The following ST8SIA2 variants were observed in gnomAD, a reference collection of about 807,000 sequenced individuals.
ST8SIA2 encodes alpha-2,8-sialyltransferase 8B.
In ST8SIA2, 22 loss-of-function variants were observed where a neutral mutation model predicts 37.6. That is an observed-to-expected ratio of 0.58 (90% CI 0.42 to 0.83). The LOEUF (loss-of-function observed/expected upper bound fraction) is 0.83, where lower values mean the gene tolerates loss of function less well. ST8SIA2 is among the 40% of genes least tolerant of loss of function. ST8SIA2 has a pLI of 0.00. For missense variants in ST8SIA2, 382 were observed against 484.7 expected (o/e 0.79, Z 1.99); for synonymous variants, 205 against 201.2 (o/e 1.02, Z -0.16).
chr15:92,428,112 C>T (rs1264520222), intron 1 of ST8SIA2, among the ~76,000 whole-genome samples: 1 of 152,160 alleles, frequency 6.6e-6, no homozygotes, highest in Non-Finnish European at 1.5e-5. Context: ...GATAAATATT[C>T]TTGTGTTAAT....
Position 92,449,151 on chromosome 15 carries a change from C to T in ST8SIA2, c.842+4222C>T, listed in dbSNP as rs556973488. On this transcript the variant is annotated intron_variant, in intron 5 of 5. Transcript: ENST00000268164. ...ACTTAGTACCCAACAGTTTTTCAAC[C>T]CTTTCCCCATTCCCTTCTTCTCCAG... Among the ~76,000 whole-genome samples the T allele has an allele frequency of 1.2e-4, 19 of 152,252 alleles. No individual in the cohort carries two copies. In the South Asian group the frequency reaches 2.9e-3, roughly 23 times the overall value.
At chr15:92,410,916 G>C (rs756273365) in intron 1 of ST8SIA2, among the ~76,000 whole-genome samples, 1 of 152,174 alleles carries the variant, frequency 6.6e-6, no homozygotes, top group African/African-American at 2.4e-5. Flanking sequence ...CCTAGATGGA[G>C]AGAATGGCCA....
At chr15:92,438,760 G>C in intron 4 of ST8SIA2, 150 bp downstream of exon 4, 2 of 1,180,906 alleles carry the variant, frequency 1.7e-6, no homozygotes, top group Non-Finnish European at 2.3e-6. Context: ...AGAATCACTT[G>C]GGGAGCTTCG....
intron 1 of ST8SIA2, among the ~76,000 whole-genome samples, chr15:92,404,557 C>A (rs1332699233): frequency 6.6e-6 from 1 of 151,518 alleles, no homozygotes; most frequent in Non-Finnish European, 1.5e-5. Flanking sequence ...TGTGGTGGCT[C>A]ACACCTGTAA....
intron 5 of ST8SIA2, among the ~76,000 whole-genome samples, chr15:92,455,586 C>T (rs1489341601): frequency 1.3e-5 from 2 of 152,138 alleles, no homozygotes; most frequent in Admixed American, 1.3e-4. Context: ...GGAAAGTATT[C>T]CCTATTGACA....
At chr15:92,395,661 G>A (rs1386771) in intron 1 of ST8SIA2, among the ~76,000 whole-genome samples, 1 of 152,218 alleles carries the variant, frequency 6.6e-6, no homozygotes, top group Non-Finnish European at 1.5e-5. Context: ...GCTCGCCTCA[G>A]AAACGTGGAT....
At chr15:92,396,048 C>T (rs1489859048) in intron 1 of ST8SIA2, among the ~76,000 whole-genome samples, 2 of 152,210 alleles carry the variant, frequency 1.3e-5, no homozygotes, top group East Asian at 1.9e-4. Flanking sequence ...TATGTACGCA[C>T]CCCGGGGACT....
chr15:92,430,756 G>T (rs550965820), intron 2 of ST8SIA2, among the ~76,000 whole-genome samples: 12 of 152,260 alleles, frequency 7.9e-5, no homozygotes, highest in South Asian at 4.1e-4. Flanking sequence ...CATAGCTATG[G>T]CCTGTAGTCT....
At chr15:92,399,589 C>T (rs555260310) in intron 1 of ST8SIA2, among the ~76,000 whole-genome samples, 1 of 151,622 alleles carries the variant, frequency 6.6e-6, no homozygotes, top group Non-Finnish European at 1.5e-5. Flanking sequence ...GTTTGCTCAA[C>T]ACGATGCATT....
At chr15:92,405,968 C>T (rs1475746398) in intron 1 of ST8SIA2, among the ~76,000 whole-genome samples, 3 of 152,170 alleles carry the variant, frequency 2.0e-5, no homozygotes, top group Admixed American at 1.3e-4. Context: ...CCCTCCCAGA[C>T]GCAGCTTCCA....
At chr15:92,431,525 G>A (rs946002820) in intron 2 of ST8SIA2, among the ~76,000 whole-genome samples, 1 of 152,310 alleles carries the variant, frequency 6.6e-6, no homozygotes, top group South Asian at 2.1e-4. Context: ...ATATATCTGT[G>A]GCATGAAAAG....
Position 92,438,619 on chromosome 15 carries a change from C to T in ST8SIA2, c.548+9C>T. The T allele has an allele frequency of 1.9e-6, 3 of 1,597,942 alleles. No homozygotes were observed. Among genetic ancestry groups the T allele is most frequent in the Non-Finnish European group, 2.6e-6 (3 of 1,171,630 alleles). On this transcript the variant is annotated intron_variant, in intron 4 of 5. Coordinates refer to ENST00000268164, the MANE Select transcript of ST8SIA2 (RefSeq NM_006011.4). ...CACAGCTTCGTCATCAGGTAACATGCCCCAGCAGGCACTCTGGGGCCAGAG... is the reference window on the plus strand; with the variant it reads ...CACAGCTTCGTCATCAGGTAACATGTCCCAGCAGGCACTCTGGGGCCAGAG...
intron 1 of ST8SIA2, among the ~76,000 whole-genome samples, chr15:92,428,538 G>A (rs1333305114): frequency 6.6e-6 from 1 of 152,170 alleles, no homozygotes; most frequent in Non-Finnish European, 1.5e-5. Context: ...AGTGACCCAC[G>A]GGCCATAGCA....
At chr15:92,402,275 G>GTCATA (rs1243746945) in intron 1 of ST8SIA2, among the ~76,000 whole-genome samples, 2 of 152,202 alleles carry the variant, frequency 1.3e-5, no homozygotes, top group African/African-American at 4.8e-5. Context: ...TAACAACAAA[G>GTCATA]TCATATTTTG....
chr15:92,406,152 A>G (rs1044572944), intron 1 of ST8SIA2, among the ~76,000 whole-genome samples: 1 of 152,206 alleles, frequency 6.6e-6, no homozygotes, highest in Non-Finnish European at 1.5e-5. Flanking sequence ...ATAATACCAC[A>G]GGAAGGAGCA....
At chr15:92,396,431 G>C (rs2049430565) in intron 1 of ST8SIA2, among the ~76,000 whole-genome samples, 1 of 151,970 alleles carries the variant, frequency 6.6e-6, no homozygotes, top group African/African-American at 2.4e-5. Flanking sequence ...CCTTCTGTCT[G>C]CTTACAAGTG....
At chr15:92,396,978 G>A (rs1370274317) in intron 1 of ST8SIA2, among the ~76,000 whole-genome samples, 1 of 152,140 alleles carries the variant, frequency 6.6e-6, no homozygotes, top group African/African-American at 2.4e-5. Flanking sequence ...CACCAGCCCT[G>A]CCCCTCCATC....
chr15:92,403,476 C>T (rs546292508), intron 1 of ST8SIA2, among the ~76,000 whole-genome samples: 1 of 152,272 alleles, frequency 6.6e-6, no homozygotes, highest in African/African-American at 2.4e-5. Context: ...GCATCTGTCA[C>T]CATCGGGCAC....
intron 1 of ST8SIA2, among the ~76,000 whole-genome samples, chr15:92,427,260 C>CAAAAA (rs55783719): frequency 7.8e-5 from 8 of 102,602 alleles, no homozygotes; most frequent in Non-Finnish European, 8.4e-5. Flanking sequence ...GGGCACTTGG[C>CAAAAA]AAAAAAAAAA....
Sources: gnomAD v4.1 joint callset for allele counts (sites outside exome capture counted in the v4.1 genomes callset) on GRCh38, gnomAD v4.1.1 for gene constraint, MANE v1.5 for transcripts, NCBI Gene and HGNC (gene_info 2026-07-23, HGNC 2026-07-21) for gene names.